Variants in MKRN1 observed in about 807,000 individuals in gnomAD.
The protein encoded by MKRN1 is E3 ubiquitin-protein ligase makorin-1.
In MKRN1, 9 loss-of-function variants were observed where a neutral mutation model predicts 55.5. The observed-to-expected ratio is 0.16, with a 90% confidence interval of 0.10 to 0.28. The LOEUF (loss-of-function observed/expected upper bound fraction) is 0.28. Among genes scored for constraint, MKRN1 ranks in the 10% least tolerant of loss-of-function variants. The probability of loss-of-function intolerance (pLI) is 1.00; values close to 1 mark genes in which losing one functional copy is unlikely to be tolerated. For synonymous variants in MKRN1, 253 were observed against 235.9 expected (o/e 1.07, Z -0.66); for missense variants, 488 against 626.7 (o/e 0.78, Z 2.36).
chr7:140,476,371 C>A (rs1795116046), intron 1 of MKRN1, among the ~76,000 whole-genome samples: 1 of 149,602 alleles, frequency 6.7e-6, no homozygotes, highest in Non-Finnish European at 1.5e-5. Context: ...ACTCAGGAGG[C>A]TGAGGCAGGA....
intron 1 of MKRN1, chr7:140,473,311 CAGACTCTGTCTCCATG>C: frequency 4.5e-6 from 2 of 440,158 alleles, no homozygotes; most frequent in Non-Finnish European, 9.0e-6. Context: ...TTCCACTGTG[CAGACTCTGTCTCCATG>C]AGACACTGTG....
chr7:140,478,733 G>A (rs1795196917), intron 1 of MKRN1: 1 of 154,104 alleles, frequency 6.5e-6, no homozygotes, highest in Non-Finnish European at 1.4e-5. Flanking sequence ...TAGGCCCGGA[G>A]AGGATCGCTG....
intron 5 of MKRN1, 101 bp from the exon 6 acceptor site, chr7:140,456,001 T>A: frequency 8.8e-7 from 1 of 1,137,200 alleles, no homozygotes; most frequent in Non-Finnish European, 1.3e-6. Flanking sequence ...AAGACTTAAC[T>A]GAAAGGCACG....
intron 2 of MKRN1, among the ~76,000 whole-genome samples, chr7:140,461,455 G>A (rs1794611884): frequency 6.6e-6 from 1 of 151,900 alleles, no homozygotes; most frequent in African/African-American, 2.4e-5. Context: ...CCAGCCTGGC[G>A]AAACCTGGTC....
At chr7:140,474,476 C>T (rs537916236) in intron 1 of MKRN1, 21 of 318,090 alleles carry the variant, frequency 6.6e-5, no homozygotes, top group Admixed American at 5.5e-4. Flanking sequence ...AGGATCACGC[C>T]ACTGAGACTC....
Position 140,479,456 on chromosome 7 carries a change from G to C in MKRN1, c.-112C>G. 1 of 1,130,026 alleles carries C rather than the reference G, an allele frequency of 8.8e-7. No individual in the cohort carries two copies. The highest frequency in any genetic ancestry group is 1.1e-6 in the Non-Finnish European group (1 of 890,122). The allele number at this position is 1,130,026 out of a possible 1,614,324, so 70.0% of individuals were successfully genotyped here. On this transcript the variant is annotated 5_prime_UTR_variant, in exon 1 of 8. Transcript: ENST00000255977. ...GGCGAGGGGAGGGGAAGGACACTGA[G>C]GCACCCGTTCGGTCCCCGCCTGCTA...
intron 5 of MKRN1, 64 bp from the exon 6 acceptor site, chr7:140,455,964 C>A: frequency 3.5e-6 from 5 of 1,412,670 alleles, no homozygotes; most frequent in Non-Finnish European, 5.0e-6. Context: ...TTCAAGGACA[C>A]ACCCTGGTGT....
chr7:140,454,790 T>C (rs758186697), intron 7 of MKRN1, 61 bp from the exon 8 acceptor site: 2 of 1,542,390 alleles, frequency 1.3e-6, no homozygotes, highest in Non-Finnish European at 1.8e-6. Flanking sequence ...TATCCTGTTG[T>C]TTATAAGGCA....
chr7:140,459,195 C>A lies in MKRN1; in HGVS notation c.583G>T (p.Val195Leu), dbSNP rs1794549145. The A allele has an allele frequency of 2.5e-6, 4 of 1,613,828 alleles. No individual in the cohort carries two copies. The highest frequency in any genetic ancestry group is 3.4e-6 in the Non-Finnish European group (4 of 1,179,870). Residue 195 changes from valine (V) to leucine (L), a missense_variant, in exon 4 of 8, where the codon GTG becomes TTG. By Grantham distance (32) the Val-to-Leu change is conservative. Transcript: ENST00000255977. ...SCTEAPLQGS[V>L]TKEESEKEQT... is the part of the protein sequence containing the mutation. ...TCTTTCTCTGATTCTTCCTTGGTCA[C>A]TGAGCCCTGCAGGGGTGCTTCAGTG...
intron 1 of MKRN1, 90 bp downstream of exon 1, chr7:140,479,070 C>CGCAG: frequency 8.1e-7 from 1 of 1,235,528 alleles, no homozygotes; most frequent in Non-Finnish European, 1.0e-6. Flanking sequence ...CGCCTCTAGC[C>CGCAG]GCAGGCCGGC....
At chr7:140,466,012 C>T (rs1225625761) in intron 2 of MKRN1, among the ~76,000 whole-genome samples, 3 of 151,896 alleles carry the variant, frequency 2.0e-5, no homozygotes, top group Non-Finnish European at 2.9e-5. Flanking sequence ...ACCCAGGAGG[C>T]GGACATTGCA....
chr7:140,459,204 G>C lies in MKRN1; in HGVS notation c.574C>G (p.Gln192Glu), dbSNP rs1216339444. Residue 192 changes from glutamine (Q) to glutamate (E), a missense_variant, in exon 4 of 8, where the codon CAG (glutamine) becomes GAG (glutamate). Around this residue, in one of 2 missense-constraint regions of MKRN1, gnomAD observed 278 missense variants for 406.7 expected, o/e 0.68. Coordinates refer to ENST00000255977, the MANE Select transcript of MKRN1 (RefSeq NM_013446.4). The stretch of plus-strand genomic sequence containing the variant: ...GATTCTTCCTTGGTCACTGAGCCCT[G>C]CAGGGGTGCTTCAGTGCAGGAAGGC... ...TAPSCTEAPLQGSVTKEESEK... is the reference protein window; with the variant it reads ...TAPSCTEAPLEGSVTKEESEK... 6.2e-7 allele frequency: 1 copy of C among 1,613,962 alleles called. No homozygotes were observed. Among genetic ancestry groups the C allele is most frequent in the Non-Finnish European group, 8.5e-7 (1 of 1,179,856 alleles).
At chr7:140,477,848 C>A (rs540906635) in intron 1 of MKRN1, among the ~76,000 whole-genome samples, 2 of 152,320 alleles carry the variant, frequency 1.3e-5, no homozygotes, top group Admixed American at 6.5e-5. Flanking sequence ...AACAGATATT[C>A]AAATAATTTG....
intron 1 of MKRN1, 43 bp downstream of exon 1, chr7:140,479,117 G>T: frequency 7.8e-7 from 1 of 1,289,814 alleles, no homozygotes; most frequent in South Asian, 2.5e-5. Context: ...CTTGGCCCGC[G>T]GCCCCCTCCC....
chr7:140,465,877 C>T (rs756125970), intron 2 of MKRN1, among the ~76,000 whole-genome samples: 45 of 152,144 alleles, frequency 3.0e-4, no homozygotes, highest in Non-Finnish European at 2.4e-4. Flanking sequence ...GTCAGAAGAT[C>T]GAGACCATCC....
Position 140,456,854 on chromosome 7 carries a change from C to T in MKRN1, c.784G>A (p.Ala262Thr). The change falls in exon 5 of 8, where the codon GCC becomes ACC. Residue 262 changes from alanine (A) to threonine (T), a missense_variant. This residue lies in a region of MKRN1 where 278 missense variants were observed against 406.7 expected (regional missense o/e 0.68). Coordinates refer to ENST00000255977, the MANE Select transcript of MKRN1 (RefSeq NM_013446.4). ...GAGAGCTCCATGTCCTTCTCATGGG[C>T]CTCAATGCACGACTAGAGAAGGTGG... ...RSQHIKSCIE[A>T]HEKDMELSFA... 6.2e-7 allele frequency: 1 copy of T among 1,613,652 alleles called. No homozygotes were observed. Among genetic ancestry groups the T allele is most frequent in the East Asian group, 2.2e-5 (1 of 44,874 alleles).
At chr7:140,459,319 A>T (rs555896026) in intron 3 of MKRN1, 86 bp from the exon 4 acceptor site, 26 of 1,343,344 alleles carry the variant, frequency 1.9e-5, no homozygotes, top group Non-Finnish European at 2.6e-5. Flanking sequence ...CAAAAAATGA[A>T]AATAAAACTG....
At chr7:140,469,269 T>A (rs901312310) in intron 2 of MKRN1, among the ~76,000 whole-genome samples, 1 of 150,242 alleles carries the variant, frequency 6.7e-6, no homozygotes, top group African/African-American at 2.5e-5. Context: ...GAGCTTGCAG[T>A]GAGCTGAGAT....
rs759235639 is a variant in MKRN1, at chr7:140,459,831, T to C, written c.420A>G (p.Pro140=). Residue 140 remains proline (P), a synonymous_variant, in exon 3 of 8, where the codon CCA becomes CCG. Transcript: ENST00000255977. The part of the protein sequence containing the change: ...ASSSLSSIVG[P]LVEMNTGEAE... ...CTTCGCCTGTATTCATTTCAACAAG[T>C]GGTCCAACTATCGATGAGAGACTTG... 49 of 1,613,886 alleles carry C rather than the reference T, an allele frequency of 3.0e-5. No homozygotes were observed. In the South Asian group the frequency reaches 4.3e-4, roughly 14 times the overall value.
Sources: allele counts gnomAD v4.1 joint callset (sites outside exome capture counted in the v4.1 genomes callset), GRCh38; gene constraint gnomAD v4.1.1; regional missense constraint gnomAD v4.1.1; transcripts MANE v1.5; gene names NCBI Gene and HGNC (gene_info 2026-07-23, HGNC 2026-07-21).